Variants in DPP6 observed in about 807,000 individuals in gnomAD.
DPP6 encodes the protein dipeptidyl peptidase like 6, also known as A-type potassium channel modulatory protein DPP6.
A neutral mutation model predicts 122.6 loss-of-function variants in DPP6; 69 were observed. The ratio of observed to expected loss-of-function variants is 0.56; its 90% CI spans 0.46 to 0.69. DPP6 has a LOEUF of 0.69. DPP6 is among the 30% of genes least tolerant of loss of function. The pLI, the probability that DPP6 is intolerant of heterozygous loss-of-function variation, is 0.00. For synonymous variants in DPP6, 418 were observed against 433.1 expected (o/e 0.97, Z 0.43); for missense variants, 928 against 1,116.9 (o/e 0.83, Z 2.41).
chr7:154,245,777 A>G (rs984609990), intron 1 of DPP6, among the ~76,000 whole-genome samples: 4 of 152,224 alleles, frequency 2.6e-5, no homozygotes, highest in Admixed American at 1.3e-4. Context: ...ATCTATGTAT[A>G]TAGTAGCTGA....
rs1187031910 is a variant in DPP6, at chr7:154,278,963, ATGTG to A, written c.244-167245_244-167242del. ...TTTGTTGTGTGGTATGTATATGGGC[ATGTG>A]TGTGTATATATGTGTGTGTGCAGTT... On this transcript the variant is annotated intron_variant, in intron 1 of 25. Coordinates refer to ENST00000377770, the MANE Select transcript of DPP6 (RefSeq NM_130797.4). 2.0e-5 allele frequency among the ~76,000 whole-genome samples: 3 copies of A among 150,708 alleles called. No homozygotes were observed. In the East Asian group the frequency reaches 5.9e-4, roughly 29 times the overall value.
At chr7:154,448,279 C>G (rs1318130577) in intron 2 of DPP6, among the ~76,000 whole-genome samples, 5 of 152,146 alleles carry the variant, frequency 3.3e-5, no homozygotes, top group Admixed American at 6.5e-5. Flanking sequence ...TTTTTAGCCA[C>G]TAGCTATGAA....
intron 1 of DPP6, among the ~76,000 whole-genome samples, chr7:154,134,447 G>A (rs1379181747): frequency 1.3e-5 from 2 of 152,108 alleles, no homozygotes; most frequent in Admixed American, 6.5e-5. Flanking sequence ...AAGACATGGC[G>A]GGGACATGGC....
the DPP6 span, among the ~76,000 whole-genome samples, chr7:153,785,828 C>T: frequency 0.019 from 2,850 of 151,546 alleles, 34 homozygotes; most frequent in African/African-American, 0.036. Flanking sequence ...CTAAGTTTTC[C>T]TTTTTTCGTT....
At chr7:154,580,062 C>T (rs766378286) in intron 5 of DPP6, among the ~76,000 whole-genome samples, 1 of 151,978 alleles carries the variant, frequency 6.6e-6, no homozygotes. Context: ...GTTTCCCGCG[C>T]GTCGGAGGGG....
At chr7:154,017,986 G>A (rs3898821) in intron 1 of DPP6, among the ~76,000 whole-genome samples, 13,224 of 152,158 alleles carry the variant, frequency 0.087, 801 homozygotes, top group African/African-American at 0.18. Context: ...CTCTGGCAGA[G>A]TGCAGGGCCA....
the DPP6 span, among the ~76,000 whole-genome samples, chr7:153,869,165 G>A: frequency 0.042 from 4,277 of 101,356 alleles, no homozygotes; most frequent in East Asian, 0.064. Flanking sequence ...ATGTCTATTA[G>A]GTCCGCTTGG....
upstream of DPP6, among the ~76,000 whole-genome samples, chr7:153,883,690 TAC>T (rs1359600378): frequency 6.6e-6 from 1 of 152,232 alleles, no homozygotes; most frequent in Non-Finnish European, 1.5e-5. Context: ...CTGTCTTTCT[TAC>T]AGAGACCTCT....
At chr7:153,945,179 A>G (rs1008062991) in intron 1 of DPP6, among the ~76,000 whole-genome samples, 1 of 152,140 alleles carries the variant, frequency 6.6e-6, no homozygotes, top group African/African-American at 2.4e-5. Context: ...GTGTTCTTTT[A>G]GAATGCTGCC....
chr7:154,149,244 C>T (rs369931793), intron 1 of DPP6, among the ~76,000 whole-genome samples: 10,997 of 146,832 alleles, frequency 0.075, no homozygotes, highest in African/African-American at 0.28. Flanking sequence ...ATCCTGCACA[C>T]GCTGCCCCAG....
At chr7:154,495,936 G>C (rs948137530) in intron 3 of DPP6, among the ~76,000 whole-genome samples, 1 of 152,204 alleles carries the variant, frequency 6.6e-6, no homozygotes, top group Non-Finnish European at 1.5e-5. Context: ...AGAGCTGAGT[G>C]CTGTGGGCCT....
At chr7:154,632,144 G>A (rs536346218) in intron 5 of DPP6, among the ~76,000 whole-genome samples, 44 of 152,208 alleles carry the variant, frequency 2.9e-4, no homozygotes, top group Non-Finnish European at 6.0e-4. Context: ...GGCTACGTTT[G>A]ATTAGCCAAA....
intron 1 of DPP6, among the ~76,000 whole-genome samples, chr7:154,134,758 CTCCTATGAGCCCACATT>C (rs1795458309): frequency 6.6e-6 from 1 of 150,762 alleles, no homozygotes; most frequent in South Asian, 2.1e-4. Context: ...GAGTGAACAC[CTCCTATGAGCCCACATT>C]TCCTGTGAGC....
intron 1 of DPP6, among the ~76,000 whole-genome samples, chr7:154,323,391 CGA>C (rs1808144460): frequency 6.6e-6 from 1 of 151,888 alleles, no homozygotes; most frequent in African/African-American, 2.4e-5. Context: ...GCATATGAAG[CGA>C]GTGTTCCGTT....
At chr7:154,838,081 G>A (rs554648982) in intron 16 of DPP6, among the ~76,000 whole-genome samples, 4 of 152,256 alleles carry the variant, frequency 2.6e-5, no homozygotes, top group South Asian at 2.1e-4. Context: ...GATGCTTCTC[G>A]GGTCCTGAGG....
intron 1 of DPP6, among the ~76,000 whole-genome samples, chr7:153,907,864 T>A (rs1392046146): frequency 6.6e-6 from 1 of 152,132 alleles, no homozygotes; most frequent in Non-Finnish European, 1.5e-5. Flanking sequence ...ATTCCTTCTG[T>A]TTCTCCTGGG....
chr7:153,944,981 G>T (rs1275002251), intron 1 of DPP6, among the ~76,000 whole-genome samples: 1 of 152,100 alleles, frequency 6.6e-6, no homozygotes, highest in African/African-American at 2.4e-5. Context: ...CTCTGTTCCT[G>T]CTGCTGGGAG....
chr7:154,791,485 A>G (rs977589785), intron 10 of DPP6, among the ~76,000 whole-genome samples: 1 of 152,106 alleles, frequency 6.6e-6, no homozygotes, highest in African/African-American at 2.4e-5. Flanking sequence ...CTTATTCCCT[A>G]CCATGGGAAC....
chr7:154,060,607 C>A lies in DPP6; in HGVS notation c.243+7544C>A, dbSNP rs1360706578. 4.9e-5 allele frequency among the ~76,000 whole-genome samples: 7 copies of A among 141,936 alleles called. No individual in the cohort carries two copies. The East Asian group carries it at 1.2e-3, about 25-fold the overall frequency. The allele number at this position is 141,936 out of a possible 152,430, so 93.1% of individuals were successfully genotyped here. A position where few individuals can be genotyped will look rare whatever the true frequency, so the allele number is the denominator to read the frequency against. On this transcript the variant is annotated intron_variant, in intron 1 of 25. Transcript: ENST00000377770. Reference sequence around the variant, plus strand: ...TTACTGAGAGCCAGTCCCTCTTCCCCCCCCTGGCTCTGAGGACCCCCATCG... The same window carrying A: ...TTACTGAGAGCCAGTCCCTCTTCCCACCCCTGGCTCTGAGGACCCCCATCG...
Sources: allele counts gnomAD v4.1 joint callset (sites outside exome capture counted in the v4.1 genomes callset), GRCh38; gene constraint gnomAD v4.1.1; transcripts MANE v1.5; gene names NCBI Gene and HGNC (gene_info 2026-07-23, HGNC 2026-07-21).